The following PXDNL variants were observed in gnomAD, a reference collection of about 807,000 sequenced individuals.
PXDNL encodes the protein probable oxidoreductase PXDNL.
PXDNL carries 145 observed loss-of-function variants against 150.8 expected under a neutral mutation model. That is an observed-to-expected ratio of 0.96 (90% CI 0.84 to 1.10). PXDNL has a LOEUF of 1.10. Among genes scored for constraint, PXDNL ranks in the 50% least tolerant of loss-of-function variants. PXDNL has a pLI of 0.00. For missense variants in PXDNL, 2,087 were observed against 1,873.9 expected (o/e 1.11, Z -2.10); for synonymous variants, 757 against 725.7 (o/e 1.04, Z -0.69).
chr8:51,674,370 A>T (rs1233097457), intron 1 of PXDNL, among the ~76,000 whole-genome samples: 5 of 152,256 alleles, frequency 3.3e-5, no homozygotes, highest in Non-Finnish European at 7.3e-5. Flanking sequence ...CGTAAAGGAA[A>T]TAATGGCAAA....
intron 5 of PXDNL, among the ~76,000 whole-genome samples, chr8:51,494,243 C>T (rs1467638659): frequency 6.6e-6 from 1 of 152,054 alleles, no homozygotes. Context: ...GAGACTTTGT[C>T]ACCACCAGGC....
chr8:51,425,996 C>T (rs999975132), intron 13 of PXDNL, among the ~76,000 whole-genome samples: 2 of 152,252 alleles, frequency 1.3e-5, no homozygotes, highest in Middle Eastern at 3.4e-3. Flanking sequence ...GTTTTGTAAC[C>T]TTTCACAGAT....
chr8:51,645,812 G>T (rs1476900440), intron 2 of PXDNL, among the ~76,000 whole-genome samples: 2 of 152,146 alleles, frequency 1.3e-5, no homozygotes, highest in African/African-American at 4.8e-5. Flanking sequence ...CTCAGATGTT[G>T]TGCAGACAGT....
At chr8:51,563,152 C>G (rs1812751455) in intron 3 of PXDNL, among the ~76,000 whole-genome samples, 1 of 151,942 alleles carries the variant, frequency 6.6e-6, no homozygotes, top group South Asian at 2.1e-4. Flanking sequence ...CATATGGAGC[C>G]TGGGCAGCCA....
chr8:51,474,306 A>G (rs577624536), intron 7 of PXDNL, among the ~76,000 whole-genome samples: 2 of 152,344 alleles, frequency 1.3e-5, no homozygotes, highest in East Asian at 1.9e-4. Flanking sequence ...ATAGAGATAC[A>G]TAGAGACATA....
intron 1 of PXDNL, among the ~76,000 whole-genome samples, chr8:51,723,829 T>C (rs903840066): frequency 5.3e-5 from 8 of 151,982 alleles, no homozygotes; most frequent in Non-Finnish European, 1.0e-4. Context: ...AAAGTTTACT[T>C]TTGTTGACAA....
chr8:51,713,612 AT>A (rs745766015), intron 1 of PXDNL, among the ~76,000 whole-genome samples: 36 of 152,198 alleles, frequency 2.4e-4, no homozygotes, highest in Non-Finnish European at 4.1e-4. Context: ...ACCACAAAAA[AT>A]TCATTAAGTG....
chr8:51,594,639 C>A (rs1479336211), intron 2 of PXDNL, among the ~76,000 whole-genome samples: 1 of 152,104 alleles, frequency 6.6e-6, no homozygotes, highest in Non-Finnish European at 1.5e-5. Context: ...TTTTTTATTG[C>A]TGACAAGAAA....
At chr8:51,686,202 A>G (rs954707655) in intron 1 of PXDNL, among the ~76,000 whole-genome samples, 2 of 152,210 alleles carry the variant, frequency 1.3e-5, no homozygotes, top group Non-Finnish European at 2.9e-5. Flanking sequence ...CAAGTACACT[A>G]TGAAGTTGTT....
chr8:51,408,290 G>T lies in PXDNL; in HGVS notation c.3334C>A (p.Arg1112=). 6.2e-7 allele frequency: 1 copy of T among 1,613,906 alleles called. No homozygotes were observed. The change falls in exon 17 of 23, where the codon CGG becomes AGG. Residue 1112 remains arginine, a synonymous_variant. Transcript: ENST00000356297. ...RGLFGVAAKW[R]APSYLLSPEL... is the part of the protein sequence containing the mutation. The stretch of plus-strand genomic sequence containing the variant: ...GGACTGAGAAGGTAGGAGGGTGCCC[G>T]CCATTTAGCAGCCACGCCAAACAGC...
rs746776828 is a variant in PXDNL at position 51,423,682 on chromosome 8, C to A, written c.1688G>T (p.Gly563Val). The stretch of plus-strand genomic sequence containing the variant: ...CCCTGCGTCGTAGATAGTCAGCGTG[C>A]CTTCATCATCCACATGGAATTTACC... Reference protein sequence around the residue: ...ESGKFHVDDEGTLTIYDAGFP... With the variant: ...ESGKFHVDDEVTLTIYDAGFP... The change falls in exon 14 of 23, where the codon GGC becomes GTC. Residue 563 changes from glycine (G) to valine (V), a missense_variant. Physicochemically the swap from Gly to Val is moderately radical, Grantham distance 109 (BLOSUM62 -3). Transcript: ENST00000356297. The A allele has an allele frequency of 2.5e-6, 4 of 1,613,670 alleles. No individual in the cohort carries two copies. The highest frequency in any genetic ancestry group is 3.4e-6 in the Non-Finnish European group (4 of 1,179,766).
chr8:51,613,185 A>T (rs1333257063), intron 2 of PXDNL, among the ~76,000 whole-genome samples: 1 of 152,070 alleles, frequency 6.6e-6, no homozygotes, highest in Non-Finnish European at 1.5e-5. Flanking sequence ...TTACCAGAGG[A>T]TGCTGTCACT....
At chr8:51,473,619 G>A (rs1810401087) in intron 7 of PXDNL, among the ~76,000 whole-genome samples, 2 of 151,968 alleles carry the variant, frequency 1.3e-5, no homozygotes, top group Non-Finnish European at 2.9e-5. Flanking sequence ...TGGAGGGATA[G>A]CATTAGGAGA....
chr8:51,540,388 C>T (rs1301347609), intron 4 of PXDNL, among the ~76,000 whole-genome samples: 1 of 152,136 alleles, frequency 6.6e-6, no homozygotes, highest in African/African-American at 2.4e-5. Context: ...CTAACTTCTA[C>T]TTTCGCTTTA....
chr8:51,517,511 G>A (rs534497523), intron 4 of PXDNL, among the ~76,000 whole-genome samples: 1 of 152,216 alleles, frequency 6.6e-6, no homozygotes, highest in African/African-American at 2.4e-5. Context: ...ACTATGTCTT[G>A]CTCATGCTTT....
At chr8:51,382,219 G>A (rs1337558762) in intron 17 of PXDNL, among the ~76,000 whole-genome samples, 1 of 152,256 alleles carries the variant, frequency 6.6e-6, no homozygotes, top group East Asian at 1.9e-4. Context: ...AGGGACTGAG[G>A]CACTGCAGCT....
intron 1 of PXDNL, among the ~76,000 whole-genome samples, chr8:51,679,371 A>G (rs1178772751): frequency 6.6e-6 from 1 of 152,194 alleles, no homozygotes; most frequent in Non-Finnish European, 1.5e-5. Context: ...TAGGGATTCC[A>G]TGAGATACTA....
At chr8:51,678,460 A>C (rs1815674746) in intron 1 of PXDNL, among the ~76,000 whole-genome samples, 1 of 152,092 alleles carries the variant, frequency 6.6e-6, no homozygotes, top group African/African-American at 2.4e-5. Flanking sequence ...AAGACTTGGA[A>C]CCAACCCAGA....
chr8:51,579,421 G>A (rs1040326460), intron 3 of PXDNL, among the ~76,000 whole-genome samples: 2 of 151,886 alleles, frequency 1.3e-5, no homozygotes, highest in African/African-American at 2.4e-5. Context: ...ATATCTGAAC[G>A]GCTAAAATTA....
Sources: allele counts gnomAD v4.1 joint callset (sites outside exome capture counted in the v4.1 genomes callset), GRCh38; gene constraint gnomAD v4.1.1; transcripts MANE v1.5; gene names NCBI Gene and HGNC (gene_info 2026-07-23, HGNC 2026-07-21).